ZSWIM6: variants seen among roughly 807,000 people sequenced by gnomAD.
ZSWIM6 encodes the protein zinc finger SWIM-type containing 6, also known as zinc finger SWIM domain-containing protein 6.
A neutral mutation model predicts 113.2 loss-of-function variants in ZSWIM6; 9 were observed. The observed-to-expected ratio is 0.08, with a 90% CI of 0.05 to 0.14. The LOEUF (loss-of-function observed/expected upper bound fraction) is 0.14, where lower values mean the gene tolerates loss of function less well. Among genes scored for constraint, ZSWIM6 ranks in the 10% least tolerant of loss-of-function variants. The probability of loss-of-function intolerance (pLI) is 1.00; values close to 1 mark genes in which losing one functional copy is unlikely to be tolerated. For synonymous variants in ZSWIM6, 611 were observed against 606.5 expected (o/e 1.01, Z -0.11); for missense variants, 1,162 against 1,552.2 (o/e 0.75, Z 4.22).
chr5:61,401,234 TGGTGGTGCTGGTGGAG>T (rs1745934405), intron 1 of ZSWIM6, among the ~76,000 whole-genome samples: 1 of 152,062 alleles, frequency 6.6e-6, no homozygotes, highest in African/African-American at 2.4e-5. Context: ...GGGGTTGGGA[TGGTGGTGCTGGTGGAG>T]CAACAGACGG....
At chr5:61,384,158 G>A (rs1018121421) in intron 1 of ZSWIM6, among the ~76,000 whole-genome samples, 4 of 150,132 alleles carry the variant, frequency 2.7e-5, no homozygotes, top group South Asian at 2.1e-4. Context: ...GGAGAATGGC[G>A]TGAACCCGGG....
chr5:61,439,032 C>T (rs1269459730), intron 1 of ZSWIM6, among the ~76,000 whole-genome samples: 1 of 152,174 alleles, frequency 6.6e-6, no homozygotes, highest in African/African-American at 2.4e-5. Context: ...GGACTGAGCT[C>T]AGGAATATCT....
chr5:61,369,461 A>T (rs1189797052), intron 1 of ZSWIM6, among the ~76,000 whole-genome samples: 1 of 152,224 alleles, frequency 6.6e-6, no homozygotes, highest in Non-Finnish European at 1.5e-5. Context: ...CCATTGTAGT[A>T]ATGTATACTT....
At chr5:61,464,158 ATTTTTTTTTTTTTTTTTTTT>A (rs869288331) in intron 1 of ZSWIM6, among the ~76,000 whole-genome samples, 2 of 43,514 alleles carry the variant, frequency 4.6e-5, no homozygotes, top group East Asian at 1.4e-3. Flanking sequence ...CACCCGGCTA[ATTTTTTTTTTTTTTTTTTTT>A]TTTTTTTTTT....
chr5:61,394,187 T>C (rs142091918), intron 1 of ZSWIM6, among the ~76,000 whole-genome samples: 311 of 152,342 alleles, frequency 2.0e-3, no homozygotes, highest in African/African-American at 7.2e-3. Context: ...TAAAAGAAAA[T>C]TCCCATCCTT....
At chr5:61,382,879 G>A (rs1745514844) in intron 1 of ZSWIM6, among the ~76,000 whole-genome samples, 1 of 152,126 alleles carries the variant, frequency 6.6e-6, no homozygotes, top group African/African-American at 2.4e-5. Flanking sequence ...GAAGTAGGTA[G>A]GAAATTAGGG....
At chr5:61,531,855 C>T (rs1456059290) in intron 9 of ZSWIM6, 130 bp downstream of exon 9, 4 of 1,012,366 alleles carry the variant, frequency 4.0e-6, no homozygotes. Context: ...CATGGGGTAT[C>T]AAAGACATGT....
At position 61,332,706 on chromosome 5, in the gene ZSWIM6, G is replaced by C; in HGVS notation, c.434G>C (p.Gly145Ala). Residue 145 changes from glycine (G) to alanine (A), a missense_variant, in exon 1 of 14, where the codon GGC becomes GCC. Gly to Ala is a moderately conservative substitution (Grantham distance 60). Around this residue, in one of 4 missense-constraint regions of ZSWIM6, gnomAD observed 333 missense variants for 293.4 expected, o/e 1.13. Transcript: ENST00000252744. ...CCCGGCGACGACAGCGGTGGCGGCG[G>C]CGGCGCGGGCGGCGGCGGCGGCGGC... ...GGPGDDSGGGGGAGGGGGGGS... is the reference protein window; with the variant it reads ...GGPGDDSGGGAGAGGGGGGGS... 1 of 971,998 alleles carries C rather than the reference G, an allele frequency of 1.0e-6. No individual in the cohort carries two copies. 60.2% of individuals were successfully genotyped at this position (971,998 alleles called of 1,614,324 possible). A position where few individuals can be genotyped will look rare whatever the true frequency, so the allele number is the denominator to read the frequency against.
chr5:61,336,925 C>G (rs1022837088), intron 1 of ZSWIM6, among the ~76,000 whole-genome samples: 2 of 152,164 alleles, frequency 1.3e-5, no homozygotes, highest in Non-Finnish European at 2.9e-5. Flanking sequence ...ATGGGCAGCA[C>G]ATTTCAGAGA....
chr5:61,514,243 A>T (rs1226588259), intron 4 of ZSWIM6, among the ~76,000 whole-genome samples: 3 of 151,058 alleles, frequency 2.0e-5, no homozygotes, highest in African/African-American at 7.3e-5. Flanking sequence ...TTTAGCATAT[A>T]TATCTACAGT....
At chr5:61,415,177 G>A (rs983919430) in intron 1 of ZSWIM6, among the ~76,000 whole-genome samples, 28 of 152,168 alleles carry the variant, frequency 1.8e-4, no homozygotes, top group Non-Finnish European at 2.6e-4. Flanking sequence ...AGTTCAAGTA[G>A]GCTTTTGCAT....
At chr5:61,423,333 G>A (rs1471139137) in intron 1 of ZSWIM6, among the ~76,000 whole-genome samples, 2 of 151,916 alleles carry the variant, frequency 1.3e-5, no homozygotes, top group African/African-American at 4.8e-5. Context: ...GCTTGAACCT[G>A]GGAGGTGGAG....
chr5:61,452,728 CTTGGTA>C (rs1220396733), intron 1 of ZSWIM6, among the ~76,000 whole-genome samples: 1 of 152,132 alleles, frequency 6.6e-6, no homozygotes, highest in Non-Finnish European at 1.5e-5. Flanking sequence ...AAGAAATAAC[CTTGGTA>C]CAATACCATT....
chr5:61,460,638 G>A lies in ZSWIM6; in HGVS notation c.677-12043G>A, dbSNP rs7731981. ...TTGTTAACTCAAATTGTCCAATAAT[G>A]CAGTGACTTCTCAGAACTGGAACCC... On this transcript the variant is annotated intron_variant, in intron 1 of 13. Transcript: ENST00000252744. 3.7e-3 allele frequency among the ~76,000 whole-genome samples: 565 copies of A among 152,166 alleles called. 1 individual carries two copies. The highest frequency in any genetic ancestry group is 0.013 in the African/African-American group (544 of 41,518).
chr5:61,411,937 T>C (rs1746155412), intron 1 of ZSWIM6, among the ~76,000 whole-genome samples: 1 of 152,240 alleles, frequency 6.6e-6, no homozygotes, highest in South Asian at 2.1e-4. Flanking sequence ...TTCATTCATA[T>C]ATTGAGATTT....
In ZSWIM6 at chr5:61,521,259, T is replaced by A; in HGVS notation, c.1334-4T>A. 1 of 1,315,076 alleles carries A rather than the reference T, an allele frequency of 7.6e-7. No homozygotes were observed. The highest frequency in any genetic ancestry group is 9.8e-7 in the Non-Finnish European group (1 of 1,020,878). The allele number at this position is 1,315,076 out of a possible 1,614,324, so 81.5% of individuals were successfully genotyped here. A position where few individuals can be genotyped will look rare whatever the true frequency, so the allele number is the denominator to read the frequency against. ...ATTTATTTTCCTTTCCTCCTTTAAATTAGGTGCTCTGTGGATGTGTATAGT... is the reference window on the plus strand; with the variant it reads ...ATTTATTTTCCTTTCCTCCTTTAAAATAGGTGCTCTGTGGATGTGTATAGT... On this transcript the variant is annotated splice_region_variant and splice_polypyrimidine_tract_variant and intron_variant, in intron 4 of 13. Coordinates refer to ENST00000252744, the MANE Select transcript of ZSWIM6 (RefSeq NM_020928.2).
chr5:61,464,211 G>C (rs902659071), intron 1 of ZSWIM6, among the ~76,000 whole-genome samples: 3 of 120,874 alleles, frequency 2.5e-5, no homozygotes, highest in Non-Finnish European at 4.9e-5. Context: ...GTAGAGATGA[G>C]GTATCTCCAT....
intron 1 of ZSWIM6, among the ~76,000 whole-genome samples, chr5:61,459,138 A>T (rs1561246023): frequency 6.6e-6 from 1 of 152,236 alleles, no homozygotes; most frequent in Non-Finnish European, 1.5e-5. Context: ...AAAATTTGGC[A>T]GTGATTCATA....
intron 1 of ZSWIM6, 61 bp downstream of exon 1, chr5:61,333,009 G>GGGGGGGGGGCC: frequency 2.3e-6 from 1 of 439,898 alleles, no homozygotes; most frequent in Non-Finnish European, 3.2e-6. Context: ...TGGGGGGGGG[G>GGGGGGGGGGCC]TGCCCGCCTT....
Sources: gnomAD v4.1 joint callset for allele counts (sites outside exome capture counted in the v4.1 genomes callset) on GRCh38, gnomAD v4.1.1 for gene constraint, gnomAD v4.1.1 regional missense constraint, MANE v1.5 for transcripts, NCBI Gene and HGNC (gene_info 2026-07-23, HGNC 2026-07-21) for gene names.